The following CACNA1C variants were observed in gnomAD, a reference collection of about 807,000 sequenced individuals.
The protein encoded by CACNA1C is voltage-dependent L-type calcium channel subunit alpha-1C.
A neutral mutation model predicts 229.0 loss-of-function variants in CACNA1C; 30 were observed. That is an observed-to-expected ratio of 0.13 (90% CI 0.10 to 0.18). The LOEUF (loss-of-function observed/expected upper bound fraction) is 0.18. Among genes scored for constraint, CACNA1C ranks in the 10% least tolerant of loss-of-function variants. The pLI is 1.00. For missense variants in CACNA1C, 1,658 were observed against 2,845.0 expected (o/e 0.58, Z 9.49); for synonymous variants, 1,114 against 1,132.5 (o/e 0.98, Z 0.33).
chr12:2,433,475 CCATTCATCCACCCATT>C (rs1393962155), intron 3 of CACNA1C, among the ~76,000 whole-genome samples: 1 of 152,230 alleles, frequency 6.6e-6, no homozygotes. Flanking sequence ...ATCCACCCAT[CCATTCATCCACCCATT>C]CACTCACGCA....
chr12:2,447,798 C>T (rs900485072), intron 3 of CACNA1C, among the ~76,000 whole-genome samples: 1 of 152,254 alleles, frequency 6.6e-6, no homozygotes, highest in Non-Finnish European at 1.5e-5. Context: ...AACACCCCCT[C>T]ACCACTGCTC....
chr12:1,991,877 T>C (rs1364365767), intron 1 of CACNA1C: 1 of 162,880 alleles, frequency 6.1e-6, no homozygotes, highest in Non-Finnish European at 1.3e-5. Context: ...AGACCATGTA[T>C]TTATCCAAAA....
intron 3 of CACNA1C, among the ~76,000 whole-genome samples, chr12:2,336,302 G>T (rs1001151935): frequency 6.6e-6 from 1 of 152,280 alleles, no homozygotes; most frequent in South Asian, 2.1e-4. Context: ...AATTAGAGAC[G>T]GCTTTATTAC....
In CACNA1C at chr12:2,354,198, G is replaced by T. The variant is rs911332846; in HGVS notation, c.478-94778G>T. ...ACCCAGTGGAAGCCCCGCCTTTCAT[G>T]TGGGCCCCGCACAGTTAGGCTGCCC... On this transcript the variant is annotated intron_variant, in intron 3 of 46. Transcript: ENST00000399655. The surrounding 1 kb of genome is among the most constrained non-coding windows in gnomAD (Gnocchi z 4.6). Among the ~76,000 whole-genome samples, 4 of 152,260 alleles carry T rather than the reference G, an allele frequency of 2.6e-5. No homozygotes were observed. Among genetic ancestry groups the T allele is most frequent in the African/African-American group, 4.8e-5 (2 of 41,570 alleles).
At chr12:2,416,849 A>G (rs1210599721) in intron 3 of CACNA1C, among the ~76,000 whole-genome samples, 1 of 152,204 alleles carries the variant, frequency 6.6e-6, no homozygotes, top group Non-Finnish European at 1.5e-5. Context: ...CAGAGAGGCT[A>G]AGGGACTGGC....
chr12:2,519,651 T>C (rs1178354922), intron 9 of CACNA1C, among the ~76,000 whole-genome samples: 3 of 152,170 alleles, frequency 2.0e-5, no homozygotes, highest in Admixed American at 6.5e-5. Flanking sequence ...GATTTTGCTG[T>C]TCCCTGAAGA....
At chr12:2,474,962 A>G (rs1414494147) in intron 5 of CACNA1C, among the ~76,000 whole-genome samples, 2 of 152,156 alleles carry the variant, frequency 1.3e-5, no homozygotes, top group African/African-American at 4.8e-5. Context: ...GAGAAAGATA[A>G]CATCATCAAC....
chr12:2,002,616 A>G (rs144532390), intron 1 of CACNA1C, among the ~76,000 whole-genome samples: 1 of 152,340 alleles, frequency 6.6e-6, no homozygotes, highest in Non-Finnish European at 1.5e-5. Flanking sequence ...AACAACTATT[A>G]TTCAAGAGAA....
intron 3 of CACNA1C, among the ~76,000 whole-genome samples, chr12:2,175,309 A>G (rs550014810): frequency 6.6e-6 from 1 of 152,260 alleles, no homozygotes; most frequent in African/African-American, 2.4e-5. Flanking sequence ...ATCTCTTTTT[A>G]TCTATGATTG....
intron 1 of CACNA1C, among the ~76,000 whole-genome samples, chr12:2,010,036 A>T (rs902594384): frequency 7.2e-5 from 11 of 152,104 alleles, no homozygotes; most frequent in African/African-American, 2.4e-4. Flanking sequence ...CACTATCTTC[A>T]TCATCATTAT....
chr12:2,287,673 C>T lies in CACNA1C; in HGVS notation c.478-161303C>T, dbSNP rs912631845. Among the ~76,000 whole-genome samples the T allele has an allele frequency of 2.0e-5, 3 of 152,216 alleles. No homozygotes were observed. The highest frequency in any genetic ancestry group is 2.0e-4 in the Admixed American group (3 of 15,282). ...AACAATGCCAGGATCCTACAGTCTA[C>T]TCCACGCCCTTCATTTTCAAACTTG... On this transcript the variant is annotated intron_variant, in intron 3 of 46. Transcript: ENST00000399655. The surrounding 1 kb of genome is among the most constrained non-coding windows in gnomAD (Gnocchi z 4.6).
At chr12:2,372,867 G>A (rs1274263329) in intron 3 of CACNA1C, among the ~76,000 whole-genome samples, 1 of 152,246 alleles carries the variant, frequency 6.6e-6, no homozygotes, top group African/African-American at 2.4e-5. Flanking sequence ...TCCCTGGGCA[G>A]GCCTAAGAGG....
At chr12:2,325,712 C>T (rs562069833) in intron 3 of CACNA1C, among the ~76,000 whole-genome samples, 6 of 152,386 alleles carry the variant, frequency 3.9e-5, no homozygotes, top group African/African-American at 9.6e-5. Flanking sequence ...TTGCTGCTTT[C>T]CTTCAAGTCA....
At chr12:2,405,602 G>A (rs1348008276) in intron 3 of CACNA1C, among the ~76,000 whole-genome samples, 1 of 152,028 alleles carries the variant, frequency 6.6e-6, no homozygotes, top group Non-Finnish European at 1.5e-5. Context: ...TAGCTGTTTT[G>A]TGGTTGCTCT....
At chr12:2,043,954 C>T (rs1035590210) in intron 1 of CACNA1C, among the ~76,000 whole-genome samples, 45 of 151,942 alleles carry the variant, frequency 3.0e-4, no homozygotes, top group African/African-American at 1.0e-3. Flanking sequence ...CGCGCCCGGC[C>T]AAAAACAGAA....
intron 1 of CACNA1C, among the ~76,000 whole-genome samples, chr12:2,097,378 C>T (rs112201667): frequency 6.6e-6 from 1 of 152,128 alleles, no homozygotes; most frequent in Non-Finnish European, 1.5e-5. Flanking sequence ...GATCTCCTGA[C>T]CTTGTGATCC....
chr12:2,337,431 C>T (rs537406776), intron 3 of CACNA1C, among the ~76,000 whole-genome samples: 5 of 152,332 alleles, frequency 3.3e-5, no homozygotes, highest in Admixed American at 1.3e-4. Context: ...ACCAGCCCTC[C>T]AGCCTCGCCA....
chr12:2,124,145 T>C lies in CACNA1C; in HGVS notation c.477+3715T>C, dbSNP rs939588033. On this transcript the variant is annotated intron_variant, in intron 3 of 46. Coordinates refer to ENST00000399655, the MANE Select transcript of CACNA1C (RefSeq NM_000719.7). ...GTGTGTGTGTGTGTGTGTGTGTGTG[T>C]GTGTGCAGTCATTTGCCAAACATCT... 5.0e-3 allele frequency among the ~76,000 whole-genome samples: 584 copies of C among 117,462 alleles called. 4 individuals are homozygous for C. The highest frequency in any genetic ancestry group is 0.018 in the African/African-American group (553 of 30,034). 77.1% of individuals were successfully genotyped at this position (117,462 alleles called of 152,430 possible).
chr12:2,269,804 A>T (rs1269035924), intron 3 of CACNA1C: 3 of 152,212 alleles, frequency 2.0e-5, no homozygotes, highest in African/African-American at 7.2e-5. Flanking sequence ...GGAAGCTGTC[A>T]TCACCCTAGG....
Sources: allele counts gnomAD v4.1 joint callset (sites outside exome capture counted in the v4.1 genomes callset), GRCh38; gene constraint gnomAD v4.1.1; non-coding constraint Gnocchi (gnomAD v3.1); transcripts MANE v1.5; gene names NCBI Gene and HGNC (gene_info 2026-07-23, HGNC 2026-07-21).